The following CCDC149 variants were observed in gnomAD, a reference collection of about 807,000 sequenced individuals.
The protein encoded by CCDC149 is coiled-coil domain-containing protein 149.
In CCDC149, 45 loss-of-function variants were observed where a neutral mutation model predicts 59.9. The observed-to-expected ratio is 0.75, with a 90% CI of 0.59 to 0.96. The LOEUF (loss-of-function observed/expected upper bound fraction) is 0.96, where lower values mean the gene tolerates loss of function less well. Ranked by LOEUF, CCDC149 falls within the 40% of genes least tolerant of loss-of-function variation. The pLI is 0.00. For missense variants in CCDC149, 584 were observed against 664.7 expected (o/e 0.88, Z 1.33); for synonymous variants, 245 against 260.6 (o/e 0.94, Z 0.58).
At chr4:24,871,415 T>C (rs1682840984) in intron 3 of CCDC149, among the ~76,000 whole-genome samples, 1 of 152,180 alleles carries the variant, frequency 6.6e-6, no homozygotes, top group Non-Finnish European at 1.5e-5. Context: ...TGGGTTGCTA[T>C]CTGCATCCAC....
chr4:24,855,692 G>A (rs897350968), intron 3 of CCDC149, among the ~76,000 whole-genome samples: 13 of 151,950 alleles, frequency 8.6e-5, no homozygotes, highest in African/African-American at 2.7e-4. Flanking sequence ...TAACTCCATC[G>A]AATTTTTCAG....
At chr4:24,817,152 T>C (rs1715069051) in intron 12 of CCDC149, among the ~76,000 whole-genome samples, 1 of 152,208 alleles carries the variant, frequency 6.6e-6, no homozygotes, top group African/African-American at 2.4e-5. Context: ...GCCAGGCTCA[T>C]GCTCCGTTTC....
At chr4:24,842,846 A>G (rs1418119797) in intron 4 of CCDC149, among the ~76,000 whole-genome samples, 3 of 152,018 alleles carry the variant, frequency 2.0e-5, no homozygotes, top group African/African-American at 7.3e-5. Flanking sequence ...TCTCTACCTC[A>G]TCCTATTTTC....
chr4:24,862,193 G>A (rs16876256), intron 3 of CCDC149, among the ~76,000 whole-genome samples: 3,925 of 152,298 alleles, frequency 0.026, 159 homozygotes, highest in African/African-American at 0.089. Flanking sequence ...GGTCTGAGGT[G>A]ATAATACCTG....
chr4:24,903,217 T>C (rs1422116537), intron 1 of CCDC149, among the ~76,000 whole-genome samples: 1 of 152,042 alleles, frequency 6.6e-6, no homozygotes, highest in Non-Finnish European at 1.5e-5. Flanking sequence ...AACAACTGAC[T>C]GGCTTTTCCA....
chr4:24,921,653 G>A lies in CCDC149; in HGVS notation c.-64-26535C>T, dbSNP rs184081319. On this transcript the variant is annotated intron_variant, in intron 1 of 12. Transcript: ENST00000389609. ...AGAACTAATGTACCTGCCATCACCC[G>A]CCAGCGCCCACATGTGGGAATGGCA... is the stretch of plus-strand genomic sequence containing the variant. Among the ~76,000 whole-genome samples, 23 of 152,340 alleles carry A rather than the reference G, an allele frequency of 1.5e-4. No homozygotes were observed. In the East Asian group the frequency reaches 1.7e-3, roughly 11 times the overall value.
intron 3 of CCDC149, among the ~76,000 whole-genome samples, chr4:24,864,506 A>G (rs990299155): frequency 2.0e-5 from 3 of 152,102 alleles, no homozygotes. Context: ...CTCAGATCCA[A>G]CAGCACTCCC....
intron 1 of CCDC149, among the ~76,000 whole-genome samples, chr4:24,897,365 AGT>A (rs1182772199): frequency 1.1e-4 from 16 of 152,270 alleles, no homozygotes; most frequent in Middle Eastern, 6.8e-3. Flanking sequence ...TTTGGATGAA[AGT>A]AAGAAAGGCC....
chr4:24,853,512 C>T (rs559686402), intron 3 of CCDC149, among the ~76,000 whole-genome samples: 2 of 148,856 alleles, frequency 1.3e-5, no homozygotes, highest in Admixed American at 6.7e-5. Flanking sequence ...TGCTTGAGCC[C>T]GGGAGGCGGA....
At chr4:24,931,496 A>G (rs184902758) in intron 1 of CCDC149, among the ~76,000 whole-genome samples, 35 of 151,676 alleles carry the variant, frequency 2.3e-4, no homozygotes, top group African/African-American at 8.0e-4. Flanking sequence ...TCAGGTACCC[A>G]GGCTGATGGG....
At chr4:24,980,047 C>T (rs1378108319) in intron 1 of CCDC149, 1 of 152,168 alleles carries the variant, frequency 6.6e-6, no homozygotes. Context: ...GGCAGTTAAA[C>T]AGGAAAAGAA....
At chr4:24,882,830 C>T (rs564652838) in intron 1 of CCDC149, among the ~76,000 whole-genome samples, 5 of 152,180 alleles carry the variant, frequency 3.3e-5, no homozygotes, top group Non-Finnish European at 7.4e-5. Context: ...ATTGGAAACT[C>T]ACCCTTACAA....
upstream of CCDC149, among the ~76,000 whole-genome samples, chr4:24,916,033 T>C (rs999335731): frequency 6.6e-6 from 1 of 152,200 alleles, no homozygotes; most frequent in Non-Finnish European, 1.5e-5. Context: ...AGCAGTACAT[T>C]AAATGTCCCA....
chr4:24,884,477 C>T (rs4697489), intron 1 of CCDC149, among the ~76,000 whole-genome samples: 63,798 of 152,094 alleles, frequency 0.42, 14,543 homozygotes, highest in Non-Finnish European at 0.52. Flanking sequence ...TTAAGCAATG[C>T]ATGGGTATAG....
chr4:24,867,878 C>T (rs1163427523), intron 3 of CCDC149, among the ~76,000 whole-genome samples: 3 of 152,198 alleles, frequency 2.0e-5, no homozygotes, highest in Non-Finnish European at 1.5e-5. Context: ...GGTCAAGAAA[C>T]GAAAGTCACA....
chr4:24,961,384 C>G (rs989513354), intron 1 of CCDC149, among the ~76,000 whole-genome samples: 3 of 152,148 alleles, frequency 2.0e-5, no homozygotes, highest in Admixed American at 1.3e-4. Flanking sequence ...GCCATACTGC[C>G]CAAGGTAATT....
chr4:24,829,425 G>C (rs1226274269), intron 9 of CCDC149: 1 of 152,244 alleles, frequency 6.6e-6, no homozygotes, highest in Admixed American at 6.5e-5. Flanking sequence ...ACAGAAGATG[G>C]AGAAAAAAGA....
intron 1 of CCDC149, among the ~76,000 whole-genome samples, chr4:24,927,252 T>C (rs1722455962): frequency 6.6e-6 from 1 of 152,242 alleles, no homozygotes; most frequent in South Asian, 2.1e-4. Context: ...GTTGTGTTTA[T>C]GGCCAGACCC....
intron 1 of CCDC149, among the ~76,000 whole-genome samples, chr4:24,963,005 G>T (rs975150722): frequency 6.7e-6 from 1 of 148,804 alleles, no homozygotes; most frequent in Non-Finnish European, 1.5e-5. Flanking sequence ...AAAAAGAAAA[G>T]CATGCTCTCC....
Sources: gnomAD v4.1 joint callset for allele counts (sites outside exome capture counted in the v4.1 genomes callset) on GRCh38, gnomAD v4.1.1 for gene constraint, MANE v1.5 for transcripts, NCBI Gene and HGNC (gene_info 2026-07-23, HGNC 2026-07-21) for gene names.